The following SLCO3A1 variants were observed in gnomAD, a reference collection of about 807,000 sequenced individuals.
SLCO3A1 encodes the protein solute carrier organic anion transporter family member 3A1.
A neutral mutation model predicts 63.1 loss-of-function variants in SLCO3A1; 27 were observed. The ratio of observed to expected loss-of-function variants is 0.43; its 90% CI spans 0.32 to 0.59. The LOEUF is 0.59. SLCO3A1 is among the 20% of genes least tolerant of loss of function. The pLI, the probability that SLCO3A1 is intolerant of heterozygous loss-of-function variation, is 0.09. For missense variants in SLCO3A1, 773 were observed against 945.8 expected, an observed-to-expected ratio of 0.82 and a Z score of 2.40; for synonymous variants, 473 against 409.9, an observed-to-expected ratio of 1.15 and a Z score of -1.86.
chr15:92,069,983 T>C (rs2047195876), intron 2 of SLCO3A1, among the ~76,000 whole-genome samples: 1 of 152,278 alleles, frequency 6.6e-6, no homozygotes, highest in African/African-American at 2.4e-5. Flanking sequence ...ACTGGTAGGC[T>C]ACCCGAATTA....
In SLCO3A1 at chr15:92,164,532, G is replaced by A; in HGVS notation, c.*1397G>A. 1 of 985,414 alleles carries A rather than the reference G, an allele frequency of 1.0e-6. No individual in the cohort carries two copies. The allele number at this position is 985,414 out of a possible 1,614,324, so 61.0% of individuals were successfully genotyped here. On this transcript the variant is annotated 3_prime_UTR_variant, in exon 10 of 10. Coordinates refer to ENST00000318445, the MANE Select transcript of SLCO3A1 (RefSeq NM_013272.4). ...GTGGAGGAGACACTCTTAGATGTGG[G>A]TTTGTGTGTATGGGTGCAACACTTC...
At chr15:92,008,005 G>A (rs1351382736) in intron 2 of SLCO3A1, among the ~76,000 whole-genome samples, 1 of 152,108 alleles carries the variant, frequency 6.6e-6, no homozygotes, top group East Asian at 1.9e-4. Context: ...AAATGTCTCC[G>A]ATGGGTCCAG....
At chr15:91,934,985 C>G (rs561242812) in intron 2 of SLCO3A1, among the ~76,000 whole-genome samples, 1 of 152,126 alleles carries the variant, frequency 6.6e-6, no homozygotes, top group South Asian at 2.1e-4. Context: ...GACAGAGTCT[C>G]GCTTTGTCGC....
chr15:91,897,056 G>A lies in SLCO3A1; in HGVS notation c.181-18937G>A, dbSNP rs571184846. On this transcript the variant is annotated intron_variant, in intron 1 of 9. Transcript: ENST00000318445. This position sits in a 1 kb window ranked among gnomAD's most constrained non-coding sequence, Gnocchi z 4.7. ...TCTTTAGTTGCCTCTAGAAAATGGA[G>A]ATGATAATGCCATTTTAGCAGCTGG... Among the ~76,000 whole-genome samples the A allele has an allele frequency of 6.6e-6, 1 of 152,298 alleles. No individual in the cohort carries two copies. Among genetic ancestry groups the A allele is most frequent in the East Asian group, 1.9e-4 (1 of 5,184 alleles).
rs10686584 is a variant in SLCO3A1 at position 91,963,419 on chromosome 15, G to GGGGC, written c.646+46962_646+46963insGGCG. Among the ~76,000 whole-genome samples the GGGGC allele has an allele frequency of 4.0e-3, 458 of 115,586 alleles. 7 individuals are homozygous for GGGGC. Among genetic ancestry groups the GGGGC allele is most frequent in the African/African-American group, 0.015 (431 of 29,420 alleles). 75.8% of individuals were successfully genotyped at this position (115,586 alleles called of 152,430 possible). On this transcript the variant is annotated intron_variant, in intron 2 of 9. Coordinates refer to ENST00000318445, the MANE Select transcript of SLCO3A1 (RefSeq NM_013272.4). ...TAACTCGGGGAGGGTGGGGGGGGGG[G>GGGGC]GCGGCAGCAGCCTGGGGCTGATTAA... is the stretch of plus-strand genomic sequence containing the variant.
chr15:91,910,954 C>G (rs1279845700), intron 1 of SLCO3A1, among the ~76,000 whole-genome samples: 1 of 152,170 alleles, frequency 6.6e-6, no homozygotes, highest in Admixed American at 6.5e-5. Flanking sequence ...TTGCTGCTGC[C>G]TGCCCCTAAG....
Position 91,854,376 on chromosome 15 carries a change from C to T in SLCO3A1, c.180+288C>T. ...AGGCGGCGGGCAGGTGGGCGTGAAA[C>T]TATTCCTCTCCCCCCATAAGAGCGG... On this transcript the variant is annotated intron_variant, in intron 1 of 9. Coordinates refer to ENST00000318445, the MANE Select transcript of SLCO3A1 (RefSeq NM_013272.4). This position sits in a 1 kb window ranked among gnomAD's most constrained non-coding sequence, Gnocchi z 6.4. 14 of 1,081,622 alleles carry T rather than the reference C, an allele frequency of 1.3e-5. No individual in the cohort carries two copies. Among genetic ancestry groups the T allele is most frequent in the Non-Finnish European group, 1.6e-5 (14 of 892,996 alleles). 67.0% of individuals were successfully genotyped at this position (1,081,622 alleles called of 1,614,324 possible). A position where few individuals can be genotyped will look rare whatever the true frequency, so the allele number is the denominator to read the frequency against.
chr15:91,868,442 A>G (rs191524586), intron 1 of SLCO3A1, among the ~76,000 whole-genome samples: 196 of 147,558 alleles, frequency 1.3e-3, no homozygotes, highest in Middle Eastern at 0.011. Context: ...TTTGGAAAAT[A>G]CAAATAAACA....
At chr15:91,909,223 G>C (rs1166757740) in intron 1 of SLCO3A1, among the ~76,000 whole-genome samples, 2 of 152,216 alleles carry the variant, frequency 1.3e-5, no homozygotes, top group Non-Finnish European at 2.9e-5. Flanking sequence ...TTCCCATGCT[G>C]AATTTATAGA....
chr15:92,059,341 G>A (rs2047058753), intron 2 of SLCO3A1, among the ~76,000 whole-genome samples: 1 of 152,220 alleles, frequency 6.6e-6, no homozygotes, highest in Non-Finnish European at 1.5e-5. Context: ...CCTCAGGCAG[G>A]GGGCTGGGTT....
At position 91,874,166 on chromosome 15, in the gene SLCO3A1, A is replaced by G. The variant is rs373723399; in HGVS notation, c.180+20078A>G. 2.2e-4 allele frequency among the ~76,000 whole-genome samples: 33 copies of G among 152,316 alleles called. No homozygotes were observed. In the Middle Eastern group the frequency reaches 0.01, roughly 47 times the overall value. On this transcript the variant is annotated intron_variant, in intron 1 of 9. Coordinates refer to ENST00000318445, the MANE Select transcript of SLCO3A1 (RefSeq NM_013272.4). The stretch of plus-strand genomic sequence containing the variant: ...TAAGATTAACAACAATAATAATTCA[A>G]CATAATTATAACAATATGCTGTAAT...
intron 2 of SLCO3A1, among the ~76,000 whole-genome samples, chr15:92,017,900 G>A (rs907903040): frequency 6.6e-6 from 1 of 152,136 alleles, no homozygotes; most frequent in African/African-American, 2.4e-5. Flanking sequence ...TAGCACACTA[G>A]CCCACCACAT....
intron 7 of SLCO3A1, among the ~76,000 whole-genome samples, chr15:92,144,495 G>A (rs1343703664): frequency 6.6e-6 from 1 of 152,224 alleles, no homozygotes; most frequent in Admixed American, 6.5e-5. Context: ...CTGGTACAGA[G>A]AGGAACCACC....
exon 11 of SLCO3A1, chr15:92,172,064 A>G: frequency 1.8e-6 from 1 of 544,858 alleles, no homozygotes; most frequent in Non-Finnish European, 3.3e-6. Context: ...GGAGTACTCC[A>G]AACAGCTCTC....
rs185471452 is a variant in SLCO3A1 at position 91,903,039 on chromosome 15, G to A, written c.181-12954G>A. Among the ~76,000 whole-genome samples, 70 of 152,318 alleles carry A rather than the reference G, an allele frequency of 4.6e-4. 3 individuals carry two copies. Among genetic ancestry groups the A allele is most frequent in the South Asian group, 1.2e-3 (6 of 4,820 alleles). ...TGCAATATGTTAGCTCTTTTACTTG[G>A]TGCAGCAAGGGCAGGGACTGTATCT... On this transcript the variant is annotated intron_variant, in intron 1 of 9. Coordinates refer to ENST00000318445, the MANE Select transcript of SLCO3A1 (RefSeq NM_013272.4).
intron 7 of SLCO3A1, among the ~76,000 whole-genome samples, chr15:92,142,700 A>T (rs2238354): frequency 0.49 from 74,429 of 151,984 alleles, 19,632 homozygotes; most frequent in African/African-American, 0.7. Flanking sequence ...AACATAGACA[A>T]GGACACATTT....
chr15:92,117,070 G>A (rs750646197), intron 4 of SLCO3A1, among the ~76,000 whole-genome samples: 6 of 152,170 alleles, frequency 3.9e-5, no homozygotes, highest in South Asian at 2.1e-4. Context: ...AATCCTTCCC[G>A]CTGAAGTGGA....
chr15:92,090,143 C>G (rs926500718), intron 2 of SLCO3A1, among the ~76,000 whole-genome samples: 89 of 152,184 alleles, frequency 5.8e-4, no homozygotes, highest in African/African-American at 2.1e-3. Context: ...TTGCCACCCT[C>G]ATTTTCTGTG....
At chr15:92,002,679 A>G (rs2046269169) in intron 2 of SLCO3A1, among the ~76,000 whole-genome samples, 2 of 152,198 alleles carry the variant, frequency 1.3e-5, no homozygotes, top group African/African-American at 4.8e-5. Context: ...TAGTGGTAGC[A>G]ATTATCTCTC....
Sources: gnomAD v4.1 joint callset for allele counts (sites outside exome capture counted in the v4.1 genomes callset) on GRCh38, gnomAD v4.1.1 for gene constraint, Gnocchi (gnomAD v3.1) non-coding constraint, MANE v1.5 for transcripts, NCBI Gene and HGNC (gene_info 2026-07-23, HGNC 2026-07-21) for gene names.